Variants in ADTRP observed in about 807,000 individuals in gnomAD.
ADTRP encodes the protein androgen-dependent TFPI-regulating protein.
A neutral mutation model predicts 27.0 loss-of-function variants in ADTRP; 20 were observed. The ratio of observed to expected loss-of-function variants is 0.74; its 90% CI spans 0.52 to 1.08. The LOEUF (loss-of-function observed/expected upper bound fraction) is 1.08. Ranked by LOEUF, ADTRP falls within the 50% of genes least tolerant of loss-of-function variation. The probability of loss-of-function intolerance (pLI) is 0.00; values close to 1 mark genes in which losing one functional copy is unlikely to be tolerated. For missense variants in ADTRP, 251 were observed against 275.0 expected (o/e 0.91, Z 0.62); for synonymous variants, 101 against 105.2 (o/e 0.96, Z 0.25).
chr6:11,736,565 G>A, intron 3 of ADTRP: 1 of 152,662 alleles, frequency 6.6e-6, no homozygotes, highest in Non-Finnish European at 1.5e-5. Context: ...CCTCCGTTGT[G>A]CTCAGCATGC....
chr6:11,770,334 C>T (rs1308502839), intron 1 of ADTRP, among the ~76,000 whole-genome samples: 2 of 152,192 alleles, frequency 1.3e-5, no homozygotes, highest in Admixed American at 6.5e-5. Flanking sequence ...TGAGAACCAC[C>T]TGCCTGGAGG....
At chr6:11,728,479 G>A (rs767379729) in intron 4 of ADTRP, 1 of 152,206 alleles carries the variant, frequency 6.6e-6, no homozygotes, top group East Asian at 1.9e-4. Context: ...TTGTTTCCTG[G>A]AACCTACTTC....
At position 11,714,615 on chromosome 6, in the gene ADTRP, T is replaced by C. The variant is rs1761753438; in HGVS notation, c.659-103A>G. 2.3e-6 allele frequency: 3 copies of C among 1,320,068 alleles called. No individual in the cohort carries two copies. In the South Asian group the frequency reaches 4.0e-5, roughly 18 times the overall value. The allele number at this position is 1,320,068 out of a possible 1,614,324, so 81.8% of individuals were successfully genotyped here. On this transcript the variant is annotated intron_variant, in intron 5 of 5. Transcript: ENST00000414691. ...ACTCTGACTTGGGGCAGTGGAAAGTTGAACACACTTTTCCCAAGGTGACAA... is the reference window on the plus strand; with the variant it reads ...ACTCTGACTTGGGGCAGTGGAAAGTCGAACACACTTTTCCCAAGGTGACAA...
chr6:11,739,311 CA>C (rs1466406873), intron 3 of ADTRP, among the ~76,000 whole-genome samples: 1 of 152,156 alleles, frequency 6.6e-6, no homozygotes, highest in Non-Finnish European at 1.5e-5. Flanking sequence ...CATGCGTAAA[CA>C]GAGGGGATCT....
chr6:11,776,970 G>A (rs1406412152), intron 1 of ADTRP, among the ~76,000 whole-genome samples: 1 of 152,180 alleles, frequency 6.6e-6, no homozygotes, highest in African/African-American at 2.4e-5. Flanking sequence ...TGGCTGGATT[G>A]GACCATGAAT....
At chr6:11,763,489 A>G (rs1763455735) in intron 3 of ADTRP, among the ~76,000 whole-genome samples, 1 of 152,220 alleles carries the variant, frequency 6.6e-6, no homozygotes, top group African/African-American at 2.4e-5. Context: ...GTGGAAAGGA[A>G]AAAGGAGCTG....
chr6:11,717,382 C>T (rs1761866920), intron 5 of ADTRP: 1 of 1,304,180 alleles, frequency 7.7e-7, no homozygotes, highest in Admixed American at 2.3e-5. Flanking sequence ...CCAACAGATT[C>T]TAGCCTCCAT....
chr6:11,755,043 T>TA (rs745707718), intron 3 of ADTRP: 60 of 985,294 alleles, frequency 6.1e-5, no homozygotes, highest in Non-Finnish European at 7.0e-5. Context: ...CCAGCCTGGT[T>TA]ATTCTCCAGC....
intron 3 of ADTRP, among the ~76,000 whole-genome samples, chr6:11,758,578 G>GGA (rs1554114784): frequency 0.011 from 1,362 of 119,916 alleles, 210 homozygotes; most frequent in African/African-American, 0.041. Context: ...TGTGGGGTGG[G>GGA]GGGGGGGGAC....
intron 1 of ADTRP, among the ~76,000 whole-genome samples, chr6:11,771,754 C>T (rs7749114): frequency 0.043 from 6,577 of 152,154 alleles, 505 homozygotes; most frequent in African/African-American, 0.15. Flanking sequence ...AATGAGGTCA[C>T]GATGGTGCAC....
At chr6:11,737,603 C>A (rs562460848) in intron 3 of ADTRP, among the ~76,000 whole-genome samples, 4 of 152,142 alleles carry the variant, frequency 2.6e-5, no homozygotes, top group Non-Finnish European at 4.4e-5. Context: ...TTTGGTGAGG[C>A]AGGAGCAGGG....
rs1251459955 is a variant in ADTRP, at chr6:11,737,256, A to G, written c.391-1573T>C. 2.7e-5 allele frequency among the ~76,000 whole-genome samples: 4 copies of G among 150,332 alleles called. No homozygotes were observed. In the Admixed American group the frequency reaches 2.7e-4, roughly 10 times the overall value. ...TAGTTCCAGCTATCATTCCTCCTTC[A>G]CTCCTGCTTGCCAATTTCCTCAGCT... On this transcript the variant is annotated intron_variant, in intron 3 of 5. Coordinates refer to ENST00000414691, the MANE Select transcript of ADTRP (RefSeq NM_032744.4).
At chr6:11,770,267 TA>T (rs1329389760) in intron 1 of ADTRP, among the ~76,000 whole-genome samples, 1 of 152,212 alleles carries the variant, frequency 6.6e-6, no homozygotes, top group East Asian at 1.9e-4. Flanking sequence ...GGCTAGGGCC[TA>T]GGGGTTGGGA....
At chr6:11,729,389 C>A (rs1012127792) in intron 4 of ADTRP, among the ~76,000 whole-genome samples, 2 of 152,118 alleles carry the variant, frequency 1.3e-5, no homozygotes, top group Admixed American at 6.5e-5. Context: ...TGAGACACCC[C>A]CTTCCAGTTT....
chr6:11,749,211 G>A (rs1051719871), intron 3 of ADTRP, among the ~76,000 whole-genome samples: 6 of 152,136 alleles, frequency 3.9e-5, no homozygotes, highest in African/African-American at 1.4e-4. Flanking sequence ...GGTCAATGCT[G>A]GTTTCTGTCT....
intron 3 of ADTRP, among the ~76,000 whole-genome samples, chr6:11,752,886 G>A (rs976593925): frequency 2.6e-5 from 4 of 152,316 alleles, no homozygotes; most frequent in Middle Eastern, 3.4e-3. Flanking sequence ...AGAGGCGATG[G>A]TGATTCCAAG....
chr6:11,773,580 C>T (rs960878069), intron 1 of ADTRP, among the ~76,000 whole-genome samples: 14 of 152,174 alleles, frequency 9.2e-5, no homozygotes, highest in African/African-American at 3.1e-4. Flanking sequence ...GAGGCAGCTC[C>T]CTTCTGCTGA....
intron 2 of ADTRP, 88 bp downstream of exon 2, chr6:11,768,161 T>C: frequency 1.3e-6 from 2 of 1,516,146 alleles, no homozygotes; most frequent in South Asian, 1.3e-5. Flanking sequence ...TTTCCAATTA[T>C]GGGCTCCCAA....
Position 11,735,597 on chromosome 6 carries a change from C to T in ADTRP, c.477G>A (p.Leu159=), listed in dbSNP as rs1762522046. 6.2e-7 allele frequency: 1 copy of T among 1,613,854 alleles called. No individual in the cohort carries two copies. Among genetic ancestry groups the T allele is most frequent in the Non-Finnish European group, 8.5e-7 (1 of 1,179,896 alleles). ...YPSKKTGLTL[L]AAASIAYISR... is the part of the protein sequence containing the mutation. ...TGATGTAAGCAATGCTGGCAGCAGC[C>T]AGCAAGGTGAGTCCTGTCTTCTTTG... Residue 159 remains leucine, a synonymous_variant, in exon 4 of 6, where the codon CTG becomes CTA. Transcript: ENST00000414691.
Sources: allele counts gnomAD v4.1 joint callset (sites outside exome capture counted in the v4.1 genomes callset), GRCh38; gene constraint gnomAD v4.1.1; transcripts MANE v1.5; gene names NCBI Gene and HGNC (gene_info 2026-07-23, HGNC 2026-07-21).